KCNJ3: variants seen among roughly 807,000 people sequenced by gnomAD.
The protein encoded by KCNJ3 is G protein-activated inward rectifier potassium channel 1.
Under a neutral mutation model 39.2 loss-of-function variants are expected in KCNJ3, and 4 were observed. The ratio of observed to expected loss-of-function variants is 0.10; its 90% CI spans 0.05 to 0.23. The LOEUF is 0.23. Among genes scored for constraint, KCNJ3 ranks in the 10% least tolerant of loss-of-function variants. KCNJ3 has a pLI of 1.00. For missense variants in KCNJ3, 276 were observed against 634.9 expected (o/e 0.43, Z 6.08); for synonymous variants, 230 against 237.4 (o/e 0.97, Z 0.29).
chr2:154,824,402 T>C lies in KCNJ3; in HGVS notation c.920-30325T>C, dbSNP rs1242063879. ...GAATATATTACTGTCATATTATTTT[T>C]ATTAATATTTATTCTTGATATATTC... On this transcript the variant is annotated intron_variant, in intron 2 of 2. Coordinates refer to ENST00000295101, the MANE Select transcript of KCNJ3 (RefSeq NM_002239.4). 3.3e-5 allele frequency among the ~76,000 whole-genome samples: 5 copies of C among 152,308 alleles called. No homozygotes were observed. The Middle Eastern group carries it at 0.01, about 311-fold the overall frequency.
chr2:154,838,125 A>C (rs1310123360), intron 2 of KCNJ3, among the ~76,000 whole-genome samples: 1 of 152,204 alleles, frequency 6.6e-6, no homozygotes, highest in Non-Finnish European at 1.5e-5. Flanking sequence ...TGACACATTC[A>C]AAAGACAAAT....
At chr2:154,813,331 G>A (rs55814398) in intron 2 of KCNJ3, among the ~76,000 whole-genome samples, 43,102 of 151,858 alleles carry the variant, frequency 0.28, 6,768 homozygotes, top group Non-Finnish European at 0.35. Flanking sequence ...CATAATCTCT[G>A]CAAGATTATG....
intron 2 of KCNJ3, among the ~76,000 whole-genome samples, chr2:154,763,201 G>A (rs1322255540): frequency 6.6e-6 from 1 of 152,104 alleles, no homozygotes; most frequent in African/African-American, 2.4e-5. Flanking sequence ...TTTATATGCT[G>A]CTAACAGAAT....
intron 2 of KCNJ3, among the ~76,000 whole-genome samples, chr2:154,731,932 T>C (rs1221491212): frequency 6.6e-6 from 1 of 152,024 alleles, no homozygotes; most frequent in African/African-American, 2.4e-5. Context: ...ATAGCAATAG[T>C]GTATTCATTA....
At chr2:154,756,445 G>A (rs910629594) in intron 2 of KCNJ3, among the ~76,000 whole-genome samples, 7 of 152,084 alleles carry the variant, frequency 4.6e-5, no homozygotes, top group Non-Finnish European at 1.0e-4. Flanking sequence ...CTGGTGCTAT[G>A]AGTAATATTT....
chr2:154,756,518 C>T (rs1206945425), intron 2 of KCNJ3, among the ~76,000 whole-genome samples: 1 of 151,966 alleles, frequency 6.6e-6, no homozygotes. Context: ...TATCCCTCCC[C>T]TAGACCCCCA....
At chr2:154,834,529 A>T (rs1454725150) in intron 2 of KCNJ3, among the ~76,000 whole-genome samples, 2 of 152,024 alleles carry the variant, frequency 1.3e-5, no homozygotes, top group East Asian at 3.9e-4. Context: ...AAGGATCGAG[A>T]CCATCCTGGC....
At chr2:154,812,431 A>C (rs904170436) in intron 2 of KCNJ3, among the ~76,000 whole-genome samples, 4 of 152,274 alleles carry the variant, frequency 2.6e-5, no homozygotes, top group African/African-American at 7.2e-5. Context: ...TACACTTTTA[A>C]TTTTAAAAGA....
At chr2:154,768,152 T>C (rs1198671243) in intron 2 of KCNJ3, among the ~76,000 whole-genome samples, 1 of 152,252 alleles carries the variant, frequency 6.6e-6, no homozygotes, top group Non-Finnish European at 1.5e-5. Flanking sequence ...TTCACTCTGC[T>C]GGTGGTTTCT....
intron 2 of KCNJ3, among the ~76,000 whole-genome samples, chr2:154,735,703 C>T (rs1465914476): frequency 3.9e-5 from 6 of 152,120 alleles, no homozygotes; most frequent in African/African-American, 1.2e-4. Context: ...AACAATTGTT[C>T]TGAAATGTAG....
intron 2 of KCNJ3, among the ~76,000 whole-genome samples, chr2:154,762,894 A>G (rs1686070665): frequency 1.3e-5 from 2 of 152,298 alleles, no homozygotes; most frequent in South Asian, 4.1e-4. Flanking sequence ...CTAGAGAAAT[A>G]AAAAGCGGGT....
At chr2:154,853,379 G>A (rs1042541080) in intron 2 of KCNJ3, among the ~76,000 whole-genome samples, 3 of 151,978 alleles carry the variant, frequency 2.0e-5, no homozygotes, top group Admixed American at 6.6e-5. Flanking sequence ...TATATGTATT[G>A]TATGTCTGAT....
intron 2 of KCNJ3, among the ~76,000 whole-genome samples, chr2:154,761,551 A>G (rs940717792): frequency 6.6e-6 from 1 of 152,330 alleles, no homozygotes; most frequent in East Asian, 1.9e-4. Flanking sequence ...TATCAACTTC[A>G]TAATTTTGGG....
chr2:154,731,540 G>A (rs1685448878), intron 2 of KCNJ3, among the ~76,000 whole-genome samples: 1 of 151,806 alleles, frequency 6.6e-6, no homozygotes, highest in Admixed American at 6.6e-5. Flanking sequence ...TACAAGTTAA[G>A]TACATATTTG....
intron 2 of KCNJ3, among the ~76,000 whole-genome samples, chr2:154,744,186 A>G (rs1685699088): frequency 6.6e-6 from 1 of 151,750 alleles, no homozygotes; most frequent in Non-Finnish European, 1.5e-5. Flanking sequence ...CTGGAATAAT[A>G]AACCCTACTT....
At chr2:154,850,932 T>C (rs1288221044) in intron 2 of KCNJ3, among the ~76,000 whole-genome samples, 2 of 152,182 alleles carry the variant, frequency 1.3e-5, no homozygotes, top group South Asian at 2.1e-4. Flanking sequence ...ATATTTTGAA[T>C]GTTTAATTGT....
chr2:154,766,949 G>C (rs913278857), intron 2 of KCNJ3, among the ~76,000 whole-genome samples: 7 of 152,052 alleles, frequency 4.6e-5, no homozygotes, highest in Non-Finnish European at 1.0e-4. Flanking sequence ...ATCTGCCAGA[G>C]GGTTACTAAG....
intron 1 of KCNJ3, among the ~76,000 whole-genome samples, chr2:154,706,312 A>C (rs1379937916): frequency 6.6e-6 from 1 of 152,112 alleles, no homozygotes; most frequent in African/African-American, 2.4e-5. Flanking sequence ...CTATCAGTGG[A>C]AAGTTTCTTA....
chr2:154,760,620 C>G (rs759885805), intron 2 of KCNJ3, among the ~76,000 whole-genome samples: 1 of 151,832 alleles, frequency 6.6e-6, no homozygotes, highest in Non-Finnish European at 1.5e-5. Context: ...GTGGTATAAT[C>G]GTGGTCTGGT....
Sources: gnomAD v4.1 joint callset for allele counts (sites outside exome capture counted in the v4.1 genomes callset) on GRCh38, gnomAD v4.1.1 for gene constraint, MANE v1.5 for transcripts, NCBI Gene and HGNC (gene_info 2026-07-23, HGNC 2026-07-21) for gene names.